NETO1: variants seen among roughly 807,000 people sequenced by gnomAD.
NETO1 encodes neuropilin and tolloid like 1.
Under a neutral mutation model 61.3 loss-of-function variants are expected in NETO1, and 26 were observed. That is an observed-to-expected ratio of 0.42 (90% confidence interval 0.31 to 0.59). The LOEUF (loss-of-function observed/expected upper bound fraction) is 0.59, where lower values mean the gene tolerates loss of function less well. NETO1 is among the 20% of genes least tolerant of loss of function. The probability of loss-of-function intolerance (pLI) is 0.12; values close to 1 mark genes in which losing one functional copy is unlikely to be tolerated. For missense variants in NETO1, 531 were observed against 662.8 expected (o/e 0.80, Z 2.18); for synonymous variants, 225 against 225.8 (o/e 1.00, Z 0.03).
At chr18:72,819,016 G>A (rs1038307938) in intron 4 of NETO1, among the ~76,000 whole-genome samples, 1 of 152,148 alleles carries the variant, frequency 6.6e-6, no homozygotes, top group Non-Finnish European at 1.5e-5. Flanking sequence ...TTTTGCATAA[G>A]AAACTCTATA....
chr18:72,751,050 T>TACAC (rs764681364), intron 8 of NETO1, among the ~76,000 whole-genome samples: 131 of 138,080 alleles, frequency 9.5e-4, no homozygotes, highest in South Asian at 4.3e-3. Context: ...CATCTTAAAA[T>TACAC]ACACACACAC....
rs188047568 is a variant in NETO1, at chr18:72,746,497, T to C, written c.*1682A>G. Among the ~76,000 whole-genome samples the C allele has an allele frequency of 1.1e-4, 16 of 152,288 alleles. 1 individual carries two copies. In the East Asian group the frequency reaches 3.1e-3, roughly 29 times the overall value. The stretch of plus-strand genomic sequence containing the variant: ...TATCAAATTCATTGAAGTGATTCTG[T>C]AGCTTGACATTTTTTCAAGATAGAG... On this transcript the variant is annotated 3_prime_UTR_variant, in exon 11 of 11. Transcript: ENST00000327305.
chr18:72,850,884 C>T (rs72968382), intron 4 of NETO1, among the ~76,000 whole-genome samples: 2,087 of 152,258 alleles, frequency 0.014, 27 homozygotes, highest in Non-Finnish European at 0.022. Flanking sequence ...CTCTACCATT[C>T]CATAAAACAA....
intron 4 of NETO1, among the ~76,000 whole-genome samples, chr18:72,811,455 A>G (rs1002612477): frequency 2.6e-5 from 4 of 152,182 alleles, no homozygotes; most frequent in Non-Finnish European, 5.9e-5. Context: ...GATCTCAATA[A>G]TTTCAATGAG....
At chr18:72,837,344 G>A (rs1042035173) in intron 4 of NETO1, among the ~76,000 whole-genome samples, 1 of 152,268 alleles carries the variant, frequency 6.6e-6, no homozygotes, top group African/African-American at 2.4e-5. Flanking sequence ...ATAAATAAGC[G>A]AATGCCAAGT....
intron 8 of NETO1, among the ~76,000 whole-genome samples, chr18:72,751,050 TACACAC>T (rs764681364): frequency 7.2e-6 from 1 of 138,026 alleles, no homozygotes; most frequent in Admixed American, 7.3e-5. Context: ...CATCTTAAAA[TACACAC>T]ACACACACAC....
chr18:72,840,165 T>C (rs1487633177), intron 4 of NETO1, among the ~76,000 whole-genome samples: 2 of 152,170 alleles, frequency 1.3e-5, no homozygotes, highest in African/African-American at 2.4e-5. Flanking sequence ...AAATTCCTCA[T>C]CAGTAAGGAT....
intron 4 of NETO1, among the ~76,000 whole-genome samples, chr18:72,811,443 T>C (rs1300821453): frequency 1.3e-5 from 2 of 152,234 alleles, no homozygotes; most frequent in Admixed American, 6.5e-5. Flanking sequence ...CTACCTTTCA[T>C]TGATCTCAAT....
chr18:72,853,751 CAA>C (rs5826212), intron 4 of NETO1, among the ~76,000 whole-genome samples: 6 of 141,318 alleles, frequency 4.2e-5, no homozygotes, highest in Admixed American at 7.1e-5. Context: ...AGTGAGATGT[CAA>C]AAAAAAAAAA....
At chr18:72,758,196 G>A (rs1355307547) in intron 7 of NETO1, among the ~76,000 whole-genome samples, 2 of 152,038 alleles carry the variant, frequency 1.3e-5, no homozygotes. Flanking sequence ...CTGCTGCTTG[G>A]TAGTTGTGAA....
intron 4 of NETO1, among the ~76,000 whole-genome samples, chr18:72,811,715 G>C (rs1382264702): frequency 6.6e-6 from 1 of 152,168 alleles, no homozygotes; most frequent in Non-Finnish European, 1.5e-5. Context: ...TAAGGCAGGA[G>C]GATGGTTTGA....
At chr18:72,828,383 C>T (rs2073457633) in intron 4 of NETO1, among the ~76,000 whole-genome samples, 1 of 151,442 alleles carries the variant, frequency 6.6e-6, no homozygotes, top group African/African-American at 2.4e-5. Context: ...CTAGCAGAAG[C>T]AACATACAAT....
intron 7 of NETO1, among the ~76,000 whole-genome samples, chr18:72,772,549 A>T (rs2071385810): frequency 6.6e-6 from 1 of 151,838 alleles, no homozygotes; most frequent in Admixed American, 6.6e-5. Flanking sequence ...ATAGAATTCT[A>T]GTCCAAAAAA....
chr18:72,752,616 A>G (rs1326939884), intron 8 of NETO1, among the ~76,000 whole-genome samples: 1 of 152,190 alleles, frequency 6.6e-6, no homozygotes, highest in East Asian at 1.9e-4. Flanking sequence ...ATGTAAAGAA[A>G]CAGTAAAGCG....
chr18:72,751,624 A>T (rs1568169850), intron 8 of NETO1, among the ~76,000 whole-genome samples: 1 of 152,152 alleles, frequency 6.6e-6, no homozygotes, highest in Non-Finnish European at 1.5e-5. Flanking sequence ...AGGTGTCTCC[A>T]GTGGAGAATG....
Position 72,744,765 on chromosome 18 carries a change from C to T in NETO1, c.*3414G>A, listed in dbSNP as rs1257711627. 6.6e-6 allele frequency: 1 copy of T among 152,110 alleles called. No individual in the cohort carries two copies. The highest frequency in any genetic ancestry group is 1.5e-5 in the Non-Finnish European group (1 of 68,022). 9.4% of individuals were successfully genotyped at this position (152,110 alleles called of 1,614,324 possible). ...TCATAAGATGCTATTATTTATTTCA[C>T]TGACAAAACATCAGTAAATTAATTG... On this transcript the variant is annotated 3_prime_UTR_variant, in exon 11 of 11. Coordinates refer to ENST00000327305, the MANE Select transcript of NETO1 (RefSeq NM_138966.5).
intron 4 of NETO1, among the ~76,000 whole-genome samples, chr18:72,811,611 C>T (rs2072869203): frequency 6.6e-6 from 1 of 152,090 alleles, no homozygotes; most frequent in South Asian, 2.1e-4. Flanking sequence ...TGAGACCAGC[C>T]TAAGCAACAC....
intron 7 of NETO1, among the ~76,000 whole-genome samples, chr18:72,781,878 C>A (rs2071753987): frequency 8.0e-6 from 1 of 124,442 alleles, no homozygotes; most frequent in African/African-American, 3.0e-5. Context: ...ATTCGGGGTA[C>A]ATGTGCAGGT....
At chr18:72,798,046 T>C (rs2072377599) in intron 4 of NETO1, among the ~76,000 whole-genome samples, 1 of 152,258 alleles carries the variant, frequency 6.6e-6, no homozygotes, top group African/African-American at 2.4e-5. Flanking sequence ...TTTGTCTGTA[T>C]ATTTTTTTAC....
Sources: gnomAD v4.1 joint callset for allele counts (sites outside exome capture counted in the v4.1 genomes callset) on GRCh38, gnomAD v4.1.1 for gene constraint, MANE v1.5 for transcripts, NCBI Gene and HGNC (gene_info 2026-07-23, HGNC 2026-07-21) for gene names.